PTPRT: variants seen among roughly 807,000 people sequenced by gnomAD.
PTPRT encodes the protein receptor-type tyrosine-protein phosphatase T.
PTPRT carries 56 observed loss-of-function variants against 176.8 expected under a neutral mutation model. The observed-to-expected ratio is 0.32, with a 90% CI of 0.26 to 0.40. The LOEUF is 0.40. PTPRT is among the 10% of genes least tolerant of loss of function. The probability of loss-of-function intolerance (pLI) is 1.00; values close to 1 mark genes in which losing one functional copy is unlikely to be tolerated. For synonymous variants in PTPRT, 783 were observed against 739.0 expected (o/e 1.06, Z -0.96); for missense variants, 1,540 against 1,908.2 (o/e 0.81, Z 3.60).
chr20:42,119,042 G>C (rs56234933), intron 20 of PTPRT, among the ~76,000 whole-genome samples: 12 of 53,606 alleles, frequency 2.2e-4, no homozygotes, highest in Middle Eastern at 0.018. Flanking sequence ...AAAAAAAAAA[G>C]ACCAGGAGCA....
At chr20:42,479,227 T>A (rs1001056354) in intron 7 of PTPRT, among the ~76,000 whole-genome samples, 7 of 152,248 alleles carry the variant, frequency 4.6e-5, no homozygotes, top group East Asian at 1.9e-4. Flanking sequence ...TGTTTGCATG[T>A]GGAGTTGCCT....
At chr20:43,104,901 T>G in intron 1 of PTPRT, among the ~76,000 whole-genome samples, 1 of 152,144 alleles carries the variant, frequency 6.6e-6, no homozygotes, top group East Asian at 1.9e-4. Context: ...TGCTGTGGAC[T>G]TAATTACAAC....
chr20:42,304,748 A>G (rs1380096954), intron 12 of PTPRT, among the ~76,000 whole-genome samples: 1 of 152,254 alleles, frequency 6.6e-6, no homozygotes, highest in Non-Finnish European at 1.5e-5. Flanking sequence ...CAGATTTCAT[A>G]GGATTGATAT....
chr20:42,868,389 T>C (rs1046631469), intron 2 of PTPRT, among the ~76,000 whole-genome samples: 7 of 152,220 alleles, frequency 4.6e-5, no homozygotes, highest in Admixed American at 4.6e-4. Flanking sequence ...GGCTGAATCA[T>C]GCCCATGTCT....
chr20:42,627,652 G>C (rs1265811484), intron 7 of PTPRT, among the ~76,000 whole-genome samples: 1 of 152,112 alleles, frequency 6.6e-6, no homozygotes, highest in Non-Finnish European at 1.5e-5. Flanking sequence ...CACATCTACG[G>C]AGGCTTCAAC....
intron 1 of PTPRT, among the ~76,000 whole-genome samples, chr20:43,158,976 T>C (rs907625885): frequency 6.6e-6 from 1 of 152,198 alleles, no homozygotes; most frequent in Non-Finnish European, 1.5e-5. Flanking sequence ...GACTGTTTTG[T>C]TGCCATTATT....
At chr20:42,443,190 A>G (rs941569661) in intron 9 of PTPRT, among the ~76,000 whole-genome samples, 2 of 152,246 alleles carry the variant, frequency 1.3e-5, no homozygotes, top group Non-Finnish European at 2.9e-5. Context: ...AGACCAGTTG[A>G]TATTCCCTTA....
chr20:42,846,177 G>A (rs776801747), intron 2 of PTPRT, among the ~76,000 whole-genome samples: 1 of 152,030 alleles, frequency 6.6e-6, no homozygotes, highest in African/African-American at 2.4e-5. Flanking sequence ...GCTTTATAAC[G>A]CAAAAATAAT....
At chr20:43,162,926 T>G (rs2014738107) in intron 1 of PTPRT, among the ~76,000 whole-genome samples, 1 of 152,236 alleles carries the variant, frequency 6.6e-6, no homozygotes, top group African/African-American at 2.4e-5. Flanking sequence ...CGTATGGTGA[T>G]AGCCAACATG....
At chr20:42,342,996 GTA>G (rs896435899) in intron 11 of PTPRT, among the ~76,000 whole-genome samples, 6 of 152,164 alleles carry the variant, frequency 3.9e-5, no homozygotes, top group Non-Finnish European at 8.8e-5. Context: ...ACCTTTAGAA[GTA>G]TATATCTTGT....
intron 7 of PTPRT, among the ~76,000 whole-genome samples, chr20:42,557,339 G>A (rs557525296): frequency 2.0e-5 from 3 of 152,132 alleles, no homozygotes; most frequent in South Asian, 4.2e-4. Flanking sequence ...GTACAGAATG[G>A]CTACTCTGCT....
intron 16 of PTPRT, among the ~76,000 whole-genome samples, chr20:42,185,646 C>T (rs1568653658): frequency 6.6e-6 from 1 of 152,164 alleles, no homozygotes; most frequent in Non-Finnish European, 1.5e-5. Context: ...GAAAACAGGA[C>T]AATAGTGTGT....
chr20:42,100,585 C>T (rs1164554367), intron 26 of PTPRT, among the ~76,000 whole-genome samples: 1 of 152,090 alleles, frequency 6.6e-6, no homozygotes, highest in African/African-American at 2.4e-5. Context: ...TAAGTAGAGG[C>T]CAGGAGCTTA....
chr20:42,470,372 T>G (rs1315105769), intron 8 of PTPRT, among the ~76,000 whole-genome samples: 1 of 152,136 alleles, frequency 6.6e-6, no homozygotes, highest in East Asian at 1.9e-4. Flanking sequence ...TGCAGCCAGT[T>G]TTTGCTGGAC....
intron 1 of PTPRT, among the ~76,000 whole-genome samples, chr20:43,050,565 G>A (rs936753745): frequency 6.6e-6 from 1 of 152,218 alleles, no homozygotes; most frequent in Non-Finnish European, 1.5e-5. Context: ...TCCGTTACAG[G>A]AAACCAGTAA....
intron 1 of PTPRT, among the ~76,000 whole-genome samples, chr20:43,082,199 A>G (rs1256765840): frequency 1.3e-5 from 2 of 152,174 alleles, no homozygotes; most frequent in Middle Eastern, 3.2e-3. Flanking sequence ...ATCTAAGAGT[A>G]CGTGCATCTT....
chr20:42,771,155 C>G (rs183650669), intron 5 of PTPRT, among the ~76,000 whole-genome samples: 1 of 152,140 alleles, frequency 6.6e-6, no homozygotes, highest in South Asian at 2.1e-4. Context: ...AGACACATCC[C>G]GCCAGACAAG....
At chr20:42,366,165 T>C (rs1267500043) in intron 9 of PTPRT, among the ~76,000 whole-genome samples, 1 of 152,216 alleles carries the variant, frequency 6.6e-6, no homozygotes, top group African/African-American at 2.4e-5. Context: ...TCTCTCTTAG[T>C]GGACACCTAA....
chr20:42,202,345 A>G (rs1214901624), intron 15 of PTPRT, among the ~76,000 whole-genome samples: 2 of 152,160 alleles, frequency 1.3e-5, no homozygotes, highest in African/African-American at 4.8e-5. Context: ...TTCTTTATTC[A>G]CTAATTTTTT....
Sources: gnomAD v4.1 joint callset for allele counts (sites outside exome capture counted in the v4.1 genomes callset) on GRCh38, gnomAD v4.1.1 for gene constraint, MANE v1.5 for transcripts, NCBI Gene and HGNC (gene_info 2026-07-23, HGNC 2026-07-21) for gene names.